UBE2H: variants seen among roughly 807,000 people sequenced by gnomAD.
UBE2H encodes ubiquitin conjugating enzyme E2 H.
In UBE2H, 3 loss-of-function variants were observed where a neutral mutation model predicts 29.0. The ratio of observed to expected loss-of-function variants is 0.10; its 90% CI spans 0.05 to 0.27. The LOEUF (loss-of-function observed/expected upper bound fraction) is 0.27. Among genes scored for constraint, UBE2H ranks in the 10% least tolerant of loss-of-function variants. UBE2H has a pLI of 1.00. For synonymous variants in UBE2H, 69 were observed against 82.9 expected (o/e 0.83, Z 0.91); for missense variants, 68 against 228.2 (o/e 0.30, Z 4.52).
At chr7:129,943,998 T>C (rs1432530371) in intron 1 of UBE2H, among the ~76,000 whole-genome samples, 1 of 152,192 alleles carries the variant, frequency 6.6e-6, no homozygotes, top group Admixed American at 6.5e-5. Flanking sequence ...TACTATAAAA[T>C]AAGGTTAATA....
At chr7:129,888,481 T>C (rs553104761) in intron 1 of UBE2H, among the ~76,000 whole-genome samples, 3 of 139,820 alleles carry the variant, frequency 2.1e-5, no homozygotes, top group African/African-American at 2.7e-5. Flanking sequence ...AGCAAGACCC[T>C]TTTTTTTTTT....
chr7:129,860,423 T>C (rs1417712476), intron 3 of UBE2H, among the ~76,000 whole-genome samples: 1 of 152,252 alleles, frequency 6.6e-6, no homozygotes, highest in East Asian at 1.9e-4. Context: ...ATGTGGTTTA[T>C]GAAGACATTT....
intron 1 of UBE2H, among the ~76,000 whole-genome samples, chr7:129,886,506 G>A (rs185727110): frequency 2.6e-5 from 4 of 152,212 alleles, no homozygotes; most frequent in Middle Eastern, 3.4e-3. Context: ...ACAATAACAG[G>A]TCAAGGACCA....
chr7:129,833,798 T>G lies in UBE2H; in HGVS notation c.*1139A>C, dbSNP rs1805273485. 1 of 151,892 alleles carries G rather than the reference T, an allele frequency of 6.6e-6. No homozygotes were observed. Among genetic ancestry groups the G allele is most frequent in the South Asian group, 2.1e-4 (1 of 4,824 alleles). The allele number at this position is 151,892 out of a possible 1,614,324, so 9.4% of individuals were successfully genotyped here. On this transcript the variant is annotated 3_prime_UTR_variant, in exon 7 of 7. Coordinates refer to ENST00000355621, the MANE Select transcript of UBE2H (RefSeq NM_003344.4). ...TGGGTCTAAAATACCCATTTCCCACTCCCACAAGCAGATGATGACCAGGCT... is the reference window on the plus strand; with the variant it reads ...TGGGTCTAAAATACCCATTTCCCACGCCCACAAGCAGATGATGACCAGGCT...
chr7:129,849,592 AAAAT>A (rs1805572354), intron 5 of UBE2H, among the ~76,000 whole-genome samples: 2 of 152,122 alleles, frequency 1.3e-5, no homozygotes, highest in Admixed American at 6.5e-5. Flanking sequence ...AAAATAAAAT[AAAAT>A]AATAAAACAA....
At chr7:129,855,726 G>C (rs899391774) in intron 5 of UBE2H, among the ~76,000 whole-genome samples, 4 of 152,148 alleles carry the variant, frequency 2.6e-5, no homozygotes, top group African/African-American at 9.7e-5. Flanking sequence ...ACCAGTTTTA[G>C]AAGCTTATTG....
At chr7:129,860,261 GCT>G (rs1299797127) in intron 3 of UBE2H, among the ~76,000 whole-genome samples, 3 of 152,126 alleles carry the variant, frequency 2.0e-5, no homozygotes, top group Non-Finnish European at 4.4e-5. Flanking sequence ...GTTTTTAAAT[GCT>G]CTGTGTTGAA....
intron 1 of UBE2H, among the ~76,000 whole-genome samples, chr7:129,909,097 T>C (rs1411288035): frequency 1.3e-5 from 2 of 152,218 alleles, no homozygotes; most frequent in African/African-American, 2.4e-5. Flanking sequence ...AGAGTTTTAA[T>C]TGAGACACTA....
intron 1 of UBE2H, among the ~76,000 whole-genome samples, chr7:129,945,990 C>A (rs1191688384): frequency 6.6e-6 from 1 of 151,850 alleles, no homozygotes; most frequent in East Asian, 1.9e-4. Flanking sequence ...AGGTGATCTG[C>A]CCACCTCAGC....
chr7:129,878,331 GAGTGGGGGTGT>G (rs1167395874), intron 3 of UBE2H, among the ~76,000 whole-genome samples: 2 of 152,238 alleles, frequency 1.3e-5, no homozygotes, highest in African/African-American at 4.8e-5. Flanking sequence ...AACTGGTTAG[GAGTGGGGGTGT>G]AGTGGGGAGT....
intron 1 of UBE2H, among the ~76,000 whole-genome samples, chr7:129,902,893 T>A (rs1806745429): frequency 6.6e-6 from 1 of 152,218 alleles, no homozygotes; most frequent in Admixed American, 6.5e-5. Flanking sequence ...GTCTTACATA[T>A]GTTACATCGT....
intron 3 of UBE2H, among the ~76,000 whole-genome samples, chr7:129,869,218 G>A (rs1359224447): frequency 1.3e-5 from 2 of 151,970 alleles, no homozygotes; most frequent in African/African-American, 2.4e-5. Context: ...GATTACAGAC[G>A]TGAGCCACCG....
At chr7:129,942,308 G>A (rs1446088472) in intron 1 of UBE2H, among the ~76,000 whole-genome samples, 1 of 151,278 alleles carries the variant, frequency 6.6e-6, no homozygotes, top group Non-Finnish European at 1.5e-5. Flanking sequence ...GCCAAGGCAG[G>A]GGGATCACCT....
At chr7:129,897,619 G>A (rs1806624379) in intron 1 of UBE2H, among the ~76,000 whole-genome samples, 1 of 152,134 alleles carries the variant, frequency 6.6e-6, no homozygotes, top group Non-Finnish European at 1.5e-5. Flanking sequence ...AACTACAGAT[G>A]GATACACTAG....
intron 1 of UBE2H, among the ~76,000 whole-genome samples, chr7:129,942,379 C>G (rs62489375): frequency 0.14 from 22,049 of 152,066 alleles, 1,672 homozygotes; most frequent in Admixed American, 0.2. Context: ...CCCAGCTACT[C>G]AGGAGGCTGA....
At position 129,839,250 on chromosome 7, in the gene UBE2H, G is replaced by C. The variant is rs1805382999; in HGVS notation, c.384C>G (p.Ala128=). 6.2e-7 allele frequency: 1 copy of C among 1,613,968 alleles called. No individual in the cohort carries two copies. The highest frequency in any genetic ancestry group is 1.3e-5 in the African/African-American group (1 of 75,002). ...PIDPLNGDAA[A]MYLHRPEEYK... is the part of the protein sequence containing the mutation. The stretch of plus-strand genomic sequence containing the variant: ...ATTCTTCTGGTCGGTGGAGGTACAT[G>C]GCTGCAGCGTCACCATTGAGAGGAT... Residue 128 remains alanine (A), a synonymous_variant, in exon 6 of 7, where the codon GCC becomes GCG. Transcript: ENST00000355621.
At chr7:129,877,685 A>G (rs1341771797) in intron 3 of UBE2H, among the ~76,000 whole-genome samples, 1 of 152,176 alleles carries the variant, frequency 6.6e-6, no homozygotes, top group African/African-American at 2.4e-5. Context: ...GTCCCAACCA[A>G]ATTTCATATT....
At chr7:129,924,534 TTA>T (rs1807225646) in intron 1 of UBE2H, among the ~76,000 whole-genome samples, 1 of 152,202 alleles carries the variant, frequency 6.6e-6, no homozygotes, top group African/African-American at 2.4e-5. Flanking sequence ...AAATGAGATT[TTA>T]TGTCATAACT....
chr7:129,869,730 T>G (rs1805989768), intron 3 of UBE2H, among the ~76,000 whole-genome samples: 1 of 152,182 alleles, frequency 6.6e-6, no homozygotes, highest in African/African-American at 2.4e-5. Context: ...TAGTGAGTAT[T>G]TGGGAGGACA....
Sources: allele counts gnomAD v4.1 joint callset (sites outside exome capture counted in the v4.1 genomes callset), GRCh38; gene constraint gnomAD v4.1.1; transcripts MANE v1.5; gene names NCBI Gene and HGNC (gene_info 2026-07-23, HGNC 2026-07-21).